NEO1: variants seen among roughly 807,000 people sequenced by gnomAD.
NEO1 encodes the protein neogenin 1.
A neutral mutation model predicts 159.7 loss-of-function variants in NEO1; 63 were observed. The observed-to-expected ratio is 0.39, with a 90% CI of 0.32 to 0.49. The LOEUF (loss-of-function observed/expected upper bound fraction) is 0.49. Among genes scored for constraint, NEO1 ranks in the 20% least tolerant of loss-of-function variants. NEO1 has a pLI of 0.85. For synonymous variants in NEO1, 633 were observed against 662.0 expected, an observed-to-expected ratio of 0.96 and a Z score of 0.67; for missense variants, 1,615 against 1,831.0, an observed-to-expected ratio of 0.88 and a Z score of 2.15.
At chr15:73,170,818 G>A (rs2034908182) in intron 5 of NEO1, among the ~76,000 whole-genome samples, 1 of 151,890 alleles carries the variant, frequency 6.6e-6, no homozygotes, top group African/African-American at 2.4e-5. Flanking sequence ...AAGGAATATA[G>A]TAATAAGTAA....
chr15:73,149,783 T>G lies in NEO1; in HGVS notation c.1015+13756T>G, dbSNP rs8024260. ...GGGATACATGTGATATTTTGATACA[T>G]GCATTCAGTATTTAATGATAAAAAT... On this transcript the variant is annotated intron_variant, in intron 5 of 28. Transcript: ENST00000261908. Among the ~76,000 whole-genome samples, 1,323 of 152,366 alleles carry G rather than the reference T, an allele frequency of 8.7e-3. 23 individuals are homozygous for G. The highest frequency in any genetic ancestry group is 0.03 in the African/African-American group (1,251 of 41,598).
chr15:73,076,663 C>T (rs1416744159), intron 1 of NEO1, among the ~76,000 whole-genome samples: 2 of 152,166 alleles, frequency 1.3e-5, no homozygotes, highest in African/African-American at 4.8e-5. Context: ...CCAACCTCAG[C>T]ATGTTCTCCC....
rs536663128 is a variant in NEO1 at position 73,228,518 on chromosome 15, T to C, written c.1292-7829T>C. Reference sequence around the variant, plus strand: ...TTTGGAAATATTGTCTGCCAGTCTGTTGCTTTTCATTTACTTAGTTTTGGG... The same window carrying C: ...TTTGGAAATATTGTCTGCCAGTCTGCTGCTTTTCATTTACTTAGTTTTGGG... On this transcript the variant is annotated intron_variant, in intron 7 of 28. Coordinates refer to ENST00000261908, the MANE Select transcript of NEO1 (RefSeq NM_002499.4). Among the ~76,000 whole-genome samples, 3 of 151,954 alleles carry C rather than the reference T, an allele frequency of 2.0e-5. No homozygotes were observed. In the East Asian group the frequency reaches 5.8e-4, roughly 29 times the overall value.
intron 5 of NEO1, among the ~76,000 whole-genome samples, chr15:73,166,851 G>C (rs1355060616): frequency 2.0e-5 from 3 of 152,044 alleles, no homozygotes; most frequent in Non-Finnish European, 4.4e-5. Flanking sequence ...GTGGGGTCCA[G>C]GTTTCTGAAA....
intron 1 of NEO1, among the ~76,000 whole-genome samples, chr15:73,094,551 A>G (rs1397832224): frequency 6.6e-6 from 1 of 152,158 alleles, no homozygotes; most frequent in Non-Finnish European, 1.5e-5. Context: ...TAGCCTTTCT[A>G]AAGATTTTGT....
At chr15:73,296,846 T>C (rs563316566) in intron 26 of NEO1, among the ~76,000 whole-genome samples, 27 of 152,356 alleles carry the variant, frequency 1.8e-4, no homozygotes, top group African/African-American at 5.5e-4. Context: ...TAAGATTTCA[T>C]CATGCTACTC....
chr15:73,132,897 A>G (rs1002575541), intron 4 of NEO1, among the ~76,000 whole-genome samples: 36 of 152,272 alleles, frequency 2.4e-4, no homozygotes, highest in Admixed American at 2.1e-3. Context: ...GTTGATGTGG[A>G]TATGGTGAAA....
chr15:73,117,620 A>C (rs538162565), intron 2 of NEO1, among the ~76,000 whole-genome samples: 17 of 152,356 alleles, frequency 1.1e-4, no homozygotes, highest in Admixed American at 7.8e-4. Context: ...CCTCAGAGAC[A>C]GTAGTCTCCC....
chr15:73,087,494 C>CA (rs1294939073), intron 1 of NEO1, among the ~76,000 whole-genome samples: 2 of 152,248 alleles, frequency 1.3e-5, no homozygotes, highest in South Asian at 4.1e-4. Flanking sequence ...GTTTTAGTGT[C>CA]AGAGTAATGC....
chr15:73,277,491 A>T (rs2041472852), intron 21 of NEO1, among the ~76,000 whole-genome samples: 1 of 152,094 alleles, frequency 6.6e-6, no homozygotes, highest in South Asian at 2.1e-4. Flanking sequence ...GGATTAGGAG[A>T]CAGTGTCTTT....
chr15:73,281,206 A>AC (rs2041686416), intron 22 of NEO1, among the ~76,000 whole-genome samples: 1 of 148,206 alleles, frequency 6.7e-6, no homozygotes, highest in Non-Finnish European at 1.5e-5. Context: ...AGACTCAAAA[A>AC]AAAAAAAAAC....
Position 73,302,591 on chromosome 15 carries a change from AAC to A in NEO1, c.4303-20_4303-19del. The A allele has an allele frequency of 6.2e-7, 1 of 1,609,270 alleles. No individual in the cohort carries two copies. The highest frequency in any genetic ancestry group is 8.5e-7 in the Non-Finnish European group (1 of 1,176,646). ...AGCTGCTCCCTGGATCCAGCCCAGT[AAC>A]AGTGTTTTCTTTTCCATAGAGCTAT... is the stretch of plus-strand genomic sequence containing the variant. On this transcript the variant is annotated intron_variant, in intron 28 of 28. Transcript: ENST00000261908.
chr15:73,118,766 A>AT (rs1214876930), intron 2 of NEO1, among the ~76,000 whole-genome samples: 1 of 152,198 alleles, frequency 6.6e-6, no homozygotes, highest in African/African-American at 2.4e-5. Context: ...TCAGGAGTAA[A>AT]TAGTGCCCAA....
intron 1 of NEO1, among the ~76,000 whole-genome samples, chr15:73,069,024 G>A (rs2068380702): frequency 6.6e-6 from 1 of 150,382 alleles, no homozygotes; most frequent in Non-Finnish European, 1.5e-5. Context: ...GTAATCACAG[G>A]TTACTGCAGC....
At position 73,272,537 on chromosome 15, in the gene NEO1, C is replaced by G; in HGVS notation, c.2940C>G (p.Pro980=). The G allele has an allele frequency of 6.2e-7, 1 of 1,613,274 alleles. No homozygotes were observed. Residue 980 remains proline, a synonymous_variant, in exon 19 of 29, where the codon CCC becomes CCG. Coordinates refer to ENST00000261908, the MANE Select transcript of NEO1 (RefSeq NM_002499.4). ...CCATAATTGTGAATTGGCAGCCTCC[C>G]TCCGAAGCCAATGGCAAAATTACAG... ...PKTIIVNWQP[P]SEANGKITGY... is the part of the protein sequence containing the mutation.
chr15:73,222,091 A>AGTTTTT (rs2038315712), intron 7 of NEO1: 1 of 53,046 alleles, frequency 1.9e-5, no homozygotes, highest in African/African-American at 6.8e-5. Context: ...CCTGTTGGTA[A>AGTTTTT]TTTTTTTTTT....
At chr15:73,143,746 A>C (rs2151796214) in intron 5 of NEO1, among the ~76,000 whole-genome samples, 1 of 152,324 alleles carries the variant, frequency 6.6e-6, no homozygotes, top group African/African-American at 2.4e-5. Flanking sequence ...GTTTGATAGC[A>C]GTGTTCCCCT....
At chr15:73,138,055 A>G (rs534070583) in intron 5 of NEO1, among the ~76,000 whole-genome samples, 1 of 152,358 alleles carries the variant, frequency 6.6e-6, no homozygotes, top group East Asian at 1.9e-4. Flanking sequence ...TAAAAGGACT[A>G]GTAGACTGTT....
chr15:73,288,457 GACTGAT>G lies in NEO1; in HGVS notation c.3559_3564del (p.Asp1187_Thr1188del). On this transcript the variant is annotated inframe_deletion, in exon 24 of 29. Transcript: ENST00000261908. ...AGTCTCCAGACCCAAACCCCATCAT[GACTGAT>G]ACTCCAATTCCTCGCAACTCTCAAG... 1 of 1,614,050 alleles carries G rather than the reference GACTGAT, an allele frequency of 6.2e-7. No homozygotes were observed.
Sources: gnomAD v4.1 joint callset for allele counts (sites outside exome capture counted in the v4.1 genomes callset) on GRCh38, gnomAD v4.1.1 for gene constraint, MANE v1.5 for transcripts, NCBI Gene and HGNC (gene_info 2026-07-23, HGNC 2026-07-21) for gene names.